The following NEGR1 variants were observed in gnomAD, a reference collection of about 807,000 sequenced individuals.
NEGR1 encodes the protein IgLON family member 4.
In NEGR1, 10 loss-of-function variants were observed where a neutral mutation model predicts 40.9. The ratio of observed to expected loss-of-function variants is 0.24; its 90% confidence interval spans 0.15 to 0.42. The LOEUF (loss-of-function observed/expected upper bound fraction) is 0.42, where lower values mean the gene tolerates loss of function less well. Among genes scored for constraint, NEGR1 ranks in the 10% least tolerant of loss-of-function variants. The pLI, the probability that NEGR1 is intolerant of heterozygous loss-of-function variation, is 1.00. For synonymous variants in NEGR1, 185 were observed against 166.8 expected (o/e 1.11, Z -0.84); for missense variants, 352 against 438.9 (o/e 0.80, Z 1.77).
At chr1:71,718,355 T>A (rs1654345036) in intron 3 of NEGR1, among the ~76,000 whole-genome samples, 1 of 152,308 alleles carries the variant, frequency 6.6e-6, no homozygotes, top group South Asian at 2.1e-4. Flanking sequence ...TTGACTGTGA[T>A]GTGCCTGTTC....
intron 2 of NEGR1, among the ~76,000 whole-genome samples, chr1:71,870,540 T>C (rs1051763997): frequency 6.6e-6 from 1 of 152,184 alleles, no homozygotes; most frequent in Non-Finnish European, 1.5e-5. Context: ...AAATTTATAC[T>C]TTACTTGCAC....
At chr1:72,136,322 A>T (rs947092796) in intron 1 of NEGR1, among the ~76,000 whole-genome samples, 3 of 152,112 alleles carry the variant, frequency 2.0e-5, no homozygotes, top group African/African-American at 7.2e-5. Flanking sequence ...AAATGCACAA[A>T]ATAAGATTAG....
rs926842917 is a variant in NEGR1, at chr1:71,405,448, A to T, written c.*1998T>A. 2 of 152,256 alleles carry T rather than the reference A, an allele frequency of 1.3e-5. No homozygotes were observed. The highest frequency in any genetic ancestry group is 3.8e-4 in the East Asian group (2 of 5,196). The allele number at this position is 152,256 out of a possible 1,614,324, so 9.4% of individuals were successfully genotyped here. Reference sequence around the variant, plus strand: ...ATTTTATAGTTTATTCAACAATTCCACAAAGAATATTTCTTAAAAGCAAAT... The same window carrying T: ...ATTTTATAGTTTATTCAACAATTCCTCAAAGAATATTTCTTAAAAGCAAAT... On this transcript the variant is annotated 3_prime_UTR_variant, in exon 7 of 7. Transcript: ENST00000357731.
At chr1:72,014,243 A>T (rs1021898490) in intron 1 of NEGR1, among the ~76,000 whole-genome samples, 3 of 151,956 alleles carry the variant, frequency 2.0e-5, no homozygotes, top group African/African-American at 7.2e-5. Context: ...TACAAACATT[A>T]TCTTGATTAA....
Position 71,399,627 on chromosome 1 carries a change from G to A in NEGR1, c.*7819C>T, listed in dbSNP as rs893520851. ...TTTTCCAGATCACTGATAGCAATGCGATTTTGTATTTGTGTGTGAGTATGT... is the reference window on the plus strand; with the variant it reads ...TTTTCCAGATCACTGATAGCAATGCAATTTTGTATTTGTGTGTGAGTATGT... On this transcript the variant is annotated 3_prime_UTR_variant, in exon 7 of 7. Coordinates refer to ENST00000357731, the MANE Select transcript of NEGR1 (RefSeq NM_173808.3). 6.6e-6 allele frequency: 1 copy of A among 152,212 alleles called. No individual in the cohort carries two copies. Among genetic ancestry groups the A allele is most frequent in the Non-Finnish European group, 1.5e-5 (1 of 68,040 alleles). The allele number at this position is 152,212 out of a possible 1,614,324, so 9.4% of individuals were successfully genotyped here.
chr1:71,914,967 A>G lies in NEGR1; in HGVS notation c.409+20112T>C, dbSNP rs1661529198. ...CTTATTTTTGCTATTGCTAATGGCCATCATTTTGTTTATAAAGTCTTTTGG... is the reference window on the plus strand; with the variant it reads ...CTTATTTTTGCTATTGCTAATGGCCGTCATTTTGTTTATAAAGTCTTTTGG... On this transcript the variant is annotated intron_variant, in intron 2 of 6. Transcript: ENST00000357731. Among the ~76,000 whole-genome samples the G allele has an allele frequency of 2.0e-5, 3 of 152,132 alleles. No homozygotes were observed. The South Asian group carries it at 6.2e-4, about 32-fold the overall frequency.
At chr1:72,117,112 C>T (rs1324982206) in intron 1 of NEGR1, among the ~76,000 whole-genome samples, 1 of 151,660 alleles carries the variant, frequency 6.6e-6, no homozygotes, top group East Asian at 1.9e-4. Context: ...GTTTTCTTGG[C>T]TTCATCTCTA....
At chr1:72,266,697 G>A (rs931368664) in intron 1 of NEGR1, among the ~76,000 whole-genome samples, 7 of 141,000 alleles carry the variant, frequency 5.0e-5, no homozygotes, top group African/African-American at 1.1e-4. Flanking sequence ...TGTACCAAGT[G>A]TGTGTGTATA....
chr1:72,077,628 A>G (rs972088976), intron 1 of NEGR1, among the ~76,000 whole-genome samples: 1 of 115,934 alleles, frequency 8.6e-6, no homozygotes, highest in South Asian at 2.4e-4. Context: ...TGTCTCTACA[A>G]TAAATAAATA....
intron 2 of NEGR1, among the ~76,000 whole-genome samples, chr1:71,866,830 A>G (rs1418075360): frequency 1.3e-5 from 2 of 152,224 alleles, no homozygotes; most frequent in African/African-American, 2.4e-5. Context: ...CTCTGAATGC[A>G]GTGTCAGAAG....
intron 2 of NEGR1, among the ~76,000 whole-genome samples, chr1:71,843,956 A>G (rs1365327996): frequency 5.3e-5 from 8 of 152,078 alleles, no homozygotes; most frequent in South Asian, 2.1e-4. Flanking sequence ...CTCTCCCTAC[A>G]TTTGTTTCAG....
At chr1:72,217,602 A>C (rs1653865234) in intron 1 of NEGR1, among the ~76,000 whole-genome samples, 1 of 151,874 alleles carries the variant, frequency 6.6e-6, no homozygotes, top group Non-Finnish European at 1.5e-5. Context: ...TGAAATAATC[A>C]TATATTCTAT....
chr1:71,811,607 A>G (rs886266658), intron 2 of NEGR1, among the ~76,000 whole-genome samples: 3 of 150,814 alleles, frequency 2.0e-5, no homozygotes, highest in African/African-American at 4.8e-5. Context: ...GTAAGTAATT[A>G]TATTACTTAC....
chr1:72,199,918 G>C (rs1157386252), intron 1 of NEGR1, among the ~76,000 whole-genome samples: 1 of 151,678 alleles, frequency 6.6e-6, no homozygotes, highest in Non-Finnish European at 1.5e-5. Flanking sequence ...ACAAATATAT[G>C]AAAAAATGCT....
intron 1 of NEGR1, among the ~76,000 whole-genome samples, chr1:72,010,533 A>G (rs1030508255): frequency 6.6e-6 from 1 of 152,160 alleles, no homozygotes; most frequent in Non-Finnish European, 1.5e-5. Context: ...TGTGCAGTAT[A>G]CAACTCTTCA....
chr1:71,744,116 C>T (rs1461754946), intron 3 of NEGR1, among the ~76,000 whole-genome samples: 1 of 151,978 alleles, frequency 6.6e-6, no homozygotes, highest in African/African-American at 2.4e-5. Flanking sequence ...AAGCAGATGA[C>T]ATTTGACCTT....
chr1:71,896,671 T>C (rs1055012976), intron 2 of NEGR1, among the ~76,000 whole-genome samples: 2 of 152,172 alleles, frequency 1.3e-5, no homozygotes, highest in Non-Finnish European at 2.9e-5. Flanking sequence ...AGTTTTAGAG[T>C]TGTAGCTCGT....
chr1:71,487,919 A>G (rs1156664399), intron 6 of NEGR1: 1 of 151,752 alleles, frequency 6.6e-6, no homozygotes, highest in East Asian at 1.9e-4. Flanking sequence ...GTTGATCATG[A>G]GGTAGATAGA....
chr1:71,502,420 A>C (rs185741840), intron 6 of NEGR1, among the ~76,000 whole-genome samples: 3 of 152,160 alleles, frequency 2.0e-5, no homozygotes, highest in African/African-American at 7.2e-5. Context: ...GTGCCTGCCT[A>C]CTAGACACCT....
Sources: gnomAD v4.1 joint callset for allele counts (sites outside exome capture counted in the v4.1 genomes callset) on GRCh38, gnomAD v4.1.1 for gene constraint, MANE v1.5 for transcripts, NCBI Gene and HGNC (gene_info 2026-07-23, HGNC 2026-07-21) for gene names.